The following EPHA4 variants were observed in gnomAD, a reference collection of about 807,000 sequenced individuals.
EPHA4 encodes the protein EPH receptor A4, also known as ephrin type-A receptor 4.
EPHA4 carries 19 observed loss-of-function variants against 108.3 expected under a neutral mutation model. The ratio of observed to expected loss-of-function variants is 0.18; its 90% CI spans 0.12 to 0.26. EPHA4 has a LOEUF of 0.26. Among genes scored for constraint, EPHA4 ranks in the 10% least tolerant of loss-of-function variants. The pLI is 1.00. For synonymous variants in EPHA4, 449 were observed against 455.5 expected, an observed-to-expected ratio of 0.99 and a Z score of 0.18; for missense variants, 917 against 1,254.0, an observed-to-expected ratio of 0.73 and a Z score of 4.06.
At chr2:221,556,758 C>T (rs180770350) in intron 3 of EPHA4, among the ~76,000 whole-genome samples, 30 of 152,168 alleles carry the variant, frequency 2.0e-4, no homozygotes, top group African/African-American at 6.7e-4. Flanking sequence ...ATAGAAAAAA[C>T]GATAGAGAGA....
At chr2:221,483,841 GC>G (rs1691902765) in intron 4 of EPHA4, among the ~76,000 whole-genome samples, 1 of 152,054 alleles carries the variant, frequency 6.6e-6, no homozygotes, top group Non-Finnish European at 1.5e-5. Flanking sequence ...GACACAAACT[GC>G]TTTCAAGTGG....
At chr2:221,478,448 C>T (rs894440734) in intron 5 of EPHA4, among the ~76,000 whole-genome samples, 23 of 152,168 alleles carry the variant, frequency 1.5e-4, no homozygotes, top group African/African-American at 4.8e-4. Flanking sequence ...ACAAAACAGT[C>T]GCTACAGGAT....
chr2:221,530,901 C>G (rs75843691), intron 3 of EPHA4, among the ~76,000 whole-genome samples: 16,306 of 152,170 alleles, frequency 0.11, 1,073 homozygotes, highest in East Asian at 0.15. Flanking sequence ...CCACCTCCCC[C>G]TCCAAGTACC....
At chr2:221,432,593 A>G (rs1488183381) in intron 14 of EPHA4, among the ~76,000 whole-genome samples, 1 of 152,080 alleles carries the variant, frequency 6.6e-6, no homozygotes, top group Non-Finnish European at 1.5e-5. Flanking sequence ...GTCAGCATAG[A>G]GAATTCTTTT....
intron 3 of EPHA4, among the ~76,000 whole-genome samples, chr2:221,562,691 TA>T (rs1205001029): frequency 6.6e-6 from 1 of 152,230 alleles, no homozygotes; most frequent in Non-Finnish European, 1.5e-5. Context: ...AGACTGTTGA[TA>T]ACTACATTAT....
chr2:221,466,553 T>C (rs1452411337), intron 5 of EPHA4, among the ~76,000 whole-genome samples: 1 of 152,164 alleles, frequency 6.6e-6, no homozygotes, highest in Non-Finnish European at 1.5e-5. Flanking sequence ...GATTTAAAAC[T>C]CAAGTCCACC....
chr2:221,476,900 G>A (rs566578448), intron 5 of EPHA4, among the ~76,000 whole-genome samples: 1 of 151,866 alleles, frequency 6.6e-6, no homozygotes, highest in South Asian at 2.1e-4. Context: ...TCATTATTTT[G>A]GTTTTATTAA....
chr2:221,560,056 G>A (rs1168434236), intron 3 of EPHA4, among the ~76,000 whole-genome samples: 1 of 152,132 alleles, frequency 6.6e-6, no homozygotes. Context: ...GTCCTTTGAC[G>A]ACTCAGTGGA....
chr2:221,569,455 C>G (rs1475544038), intron 1 of EPHA4: 1 of 152,200 alleles, frequency 6.6e-6, no homozygotes, highest in Non-Finnish European at 1.5e-5. Context: ...CGTCTTCCAC[C>G]CGTAGGAAAT....
chr2:221,436,382 T>A lies in EPHA4; in HGVS notation c.2346+17A>T. ...TTTCACCAGAGTGAAAGCCCAGATG[T>A]CACCGATCTTTCTTACCCTGGTGGT... On this transcript the variant is annotated intron_variant, in intron 13 of 17. Coordinates refer to ENST00000281821, the MANE Select transcript of EPHA4 (RefSeq NM_004438.5). 1 of 1,611,620 alleles carries A rather than the reference T, an allele frequency of 6.2e-7. No homozygotes were observed. The highest frequency in any genetic ancestry group is 8.5e-7 in the Non-Finnish European group (1 of 1,177,802).
chr2:221,516,811 C>T (rs1216408327), intron 3 of EPHA4, among the ~76,000 whole-genome samples: 2 of 152,338 alleles, frequency 1.3e-5, no homozygotes, highest in East Asian at 3.9e-4. Flanking sequence ...TGAGCTCCAA[C>T]ACTTTCTCAG....
At chr2:221,543,916 T>C (rs2106192872) in intron 3 of EPHA4, among the ~76,000 whole-genome samples, 1 of 152,194 alleles carries the variant, frequency 6.6e-6, no homozygotes, top group Admixed American at 6.5e-5. Flanking sequence ...TAACAGAAAT[T>C]TATTTTTCAC....
chr2:221,496,446 T>A (rs1692298776), intron 4 of EPHA4, among the ~76,000 whole-genome samples: 1 of 152,134 alleles, frequency 6.6e-6, no homozygotes, highest in Non-Finnish European at 1.5e-5. Context: ...AAGGGAGATG[T>A]CGAAAGGAAG....
At chr2:221,444,809 G>A (rs1160286626) in intron 9 of EPHA4, among the ~76,000 whole-genome samples, 1 of 138,174 alleles carries the variant, frequency 7.2e-6, no homozygotes. Flanking sequence ...TCAGGCTGGA[G>A]TACAGTGGTA....
At chr2:221,445,525 G>A (rs1690565156) in intron 9 of EPHA4, among the ~76,000 whole-genome samples, 1 of 149,654 alleles carries the variant, frequency 6.7e-6, no homozygotes, top group South Asian at 2.1e-4. Context: ...GGGAGGCGGA[G>A]CTTGCAGTGA....
chr2:221,484,079 T>C (rs986886515), intron 4 of EPHA4, among the ~76,000 whole-genome samples: 3 of 152,208 alleles, frequency 2.0e-5, no homozygotes, highest in African/African-American at 4.8e-5. Flanking sequence ...GTAATTGAGA[T>C]GGCTACTTTG....
rs564741497 is a variant in EPHA4, at chr2:221,493,890, C to T, written c.979+7127G>A. 2.0e-5 allele frequency among the ~76,000 whole-genome samples: 3 copies of T among 152,304 alleles called. No individual in the cohort carries two copies. The East Asian group carries it at 5.8e-4, about 29-fold the overall frequency. The stretch of plus-strand genomic sequence containing the variant: ...CTTAGGAAATCTGCCCTCATTAGCT[C>T]TGAGCTCTCCTAGTATAAAATGTCT... On this transcript the variant is annotated intron_variant, in intron 4 of 17. Coordinates refer to ENST00000281821, the MANE Select transcript of EPHA4 (RefSeq NM_004438.5).
chr2:221,447,707 C>G (rs1029671994), intron 8 of EPHA4, among the ~76,000 whole-genome samples: 8 of 152,152 alleles, frequency 5.3e-5, no homozygotes, highest in African/African-American at 1.9e-4. Flanking sequence ...AAAGCAGGAA[C>G]CAACTTAGCA....
chr2:221,494,216 G>GA (rs1692239401), intron 4 of EPHA4, among the ~76,000 whole-genome samples: 1 of 152,130 alleles, frequency 6.6e-6, no homozygotes, highest in Non-Finnish European at 1.5e-5. Flanking sequence ...AATGACAGAT[G>GA]AGCTACATTT....
Sources: allele counts gnomAD v4.1 joint callset (sites outside exome capture counted in the v4.1 genomes callset), GRCh38; gene constraint gnomAD v4.1.1; transcripts MANE v1.5; gene names NCBI Gene and HGNC (gene_info 2026-07-23, HGNC 2026-07-21).